The following CD96 variants were observed in gnomAD, a reference collection of about 807,000 sequenced individuals.
CD96 encodes CD96 molecule.
Under a neutral mutation model 71.3 loss-of-function variants are expected in CD96, and 70 were observed. The observed-to-expected ratio is 0.98, with a 90% CI of 0.81 to 1.20. The LOEUF (loss-of-function observed/expected upper bound fraction) is 1.20, where lower values mean the gene tolerates loss of function less well. CD96 is among the 50% of genes most tolerant of loss of function. The pLI is 0.00. For synonymous variants in CD96, 248 were observed against 233.0 expected, an observed-to-expected ratio of 1.06 and a Z score of -0.59; for missense variants, 742 against 677.5, an observed-to-expected ratio of 1.10 and a Z score of -1.06.
chr3:111,571,468 T>C (rs1308256388), intron 3 of CD96, among the ~76,000 whole-genome samples: 1 of 151,986 alleles, frequency 6.6e-6, no homozygotes, highest in East Asian at 1.9e-4. Context: ...GTTTATCAAG[T>C]AGCTTCCTTT....
At chr3:111,574,332 T>C (rs1164011760) in intron 3 of CD96, among the ~76,000 whole-genome samples, 1 of 152,180 alleles carries the variant, frequency 6.6e-6, no homozygotes, top group African/African-American at 2.4e-5. Flanking sequence ...AAAAGAAATG[T>C]TCAATGGATC....
chr3:111,595,397 G>C (rs1468797086), intron 5 of CD96: 1 of 152,144 alleles, frequency 6.6e-6, no homozygotes, highest in Non-Finnish European at 1.5e-5. Flanking sequence ...CCTACCCCCA[G>C]AAGGAGGGCA....
chr3:111,665,752 A>G (rs1940464729), downstream of CD96: 1 of 152,232 alleles, frequency 6.6e-6, no homozygotes, highest in Admixed American at 6.5e-5. Context: ...CTTTAGTAGA[A>G]ACTACGGAAA....
At chr3:111,544,125 G>T (rs1934256812) in intron 1 of CD96, among the ~76,000 whole-genome samples, 1 of 152,058 alleles carries the variant, frequency 6.6e-6, no homozygotes, top group Non-Finnish European at 1.5e-5. Flanking sequence ...TTTACTGGAG[G>T]TGTGACTTTT....
chr3:111,568,746 A>G (rs1935839813), intron 3 of CD96, among the ~76,000 whole-genome samples: 1 of 152,244 alleles, frequency 6.6e-6, no homozygotes, highest in African/African-American at 2.4e-5. Flanking sequence ...AAACAAAATC[A>G]ACATGAGGAT....
chr3:111,571,817 T>G (rs1015593341), intron 3 of CD96, among the ~76,000 whole-genome samples: 1 of 152,234 alleles, frequency 6.6e-6, no homozygotes, highest in East Asian at 1.9e-4. Flanking sequence ...ATTCAGCCAG[T>G]CTATTAAACC....
At chr3:111,593,573 G>T in intron 5 of CD96, 2 of 1,538,474 alleles carry the variant, frequency 1.3e-6, no homozygotes, top group Non-Finnish European at 1.8e-6. Context: ...ATGTACTGCT[G>T]CAGGCAGCTC....
intron 8 of CD96, among the ~76,000 whole-genome samples, chr3:111,622,917 G>T (rs73230126): frequency 0.094 from 14,310 of 152,192 alleles, 939 homozygotes; most frequent in Non-Finnish European, 0.14. Context: ...CATCTACTAA[G>T]AGCATAAGAC....
chr3:111,602,685 T>C (rs1055108263), intron 7 of CD96, among the ~76,000 whole-genome samples: 15 of 152,208 alleles, frequency 9.9e-5, no homozygotes, highest in African/African-American at 3.6e-4. Flanking sequence ...CTGTCTGTGA[T>C]GGTACTGCCG....
At chr3:111,593,280 C>T (rs116323178) in intron 5 of CD96, 1 of 350,456 alleles carries the variant, frequency 2.9e-6, no homozygotes, top group African/African-American at 2.1e-5. Context: ...CCTGAAACAA[C>T]TCACAGAGTT....
intron 2 of CD96, among the ~76,000 whole-genome samples, chr3:111,554,435 T>C (rs1438503185): frequency 6.6e-6 from 1 of 152,162 alleles, no homozygotes; most frequent in Admixed American, 6.5e-5. Flanking sequence ...AAAGAGTTAT[T>C]TTAAATCTTT....
At chr3:111,615,429 T>C (rs1164552202) in intron 8 of CD96, among the ~76,000 whole-genome samples, 1 of 152,214 alleles carries the variant, frequency 6.6e-6, no homozygotes, top group Non-Finnish European at 1.5e-5. Flanking sequence ...CAGAAGAGAC[T>C]AAGCAAACAA....
intron 14 of CD96, among the ~76,000 whole-genome samples, chr3:111,661,669 A>G (rs1940362073): frequency 6.6e-6 from 1 of 152,150 alleles, no homozygotes; most frequent in South Asian, 2.1e-4. Context: ...CTCCAAAATA[A>G]TCTCCTTTAT....
At chr3:111,554,152 A>C (rs557578654) in intron 2 of CD96, among the ~76,000 whole-genome samples, 27 of 152,040 alleles carry the variant, frequency 1.8e-4, no homozygotes, top group Non-Finnish European at 2.1e-4. Context: ...AAAAACACCT[A>C]AATTTACATT....
At chr3:111,614,783 G>A (rs1938147504) in intron 8 of CD96, among the ~76,000 whole-genome samples, 1 of 152,186 alleles carries the variant, frequency 6.6e-6, no homozygotes, top group Non-Finnish European at 1.5e-5. Context: ...TCCAGCCTGA[G>A]TAAGGCACCA....
rs1337469819 is a variant in CD96 at position 111,637,966 on chromosome 3, A to G, written c.1388-113A>G. On this transcript the variant is annotated intron_variant, in intron 11 of 13. Coordinates refer to ENST00000352690, the MANE Select transcript of CD96 (RefSeq NM_005816.5). Reference sequence around the variant, plus strand: ...ACTTTACACATAATATTTAAGGGATACTTAGACAATTTAAATTGAGTTCTT... The same window carrying G: ...ACTTTACACATAATATTTAAGGGATGCTTAGACAATTTAAATTGAGTTCTT... The G allele has an allele frequency of 5.2e-6, 4 of 764,576 alleles. No individual in the cohort carries two copies. The African/African-American group carries it at 6.9e-5, about 13-fold the overall frequency. The allele number at this position is 764,576 out of a possible 1,614,324, so 47.4% of individuals were successfully genotyped here.
chr3:111,600,501 C>A (rs943930007), intron 6 of CD96, among the ~76,000 whole-genome samples: 10 of 152,194 alleles, frequency 6.6e-5, no homozygotes, highest in African/African-American at 2.4e-4. Flanking sequence ...CACTATTAGT[C>A]AACATATTTT....
chr3:111,586,645 T>C (rs1036727681), intron 5 of CD96, among the ~76,000 whole-genome samples: 2 of 152,132 alleles, frequency 1.3e-5, no homozygotes, highest in African/African-American at 4.8e-5. Context: ...GCACATCATG[T>C]CTTACATGGA....
At position 111,600,715 on chromosome 3, in the gene CD96, C is replaced by G; in HGVS notation, c.899-11C>G. ...TGTTAGTGTTGAACCATGTTCGTAT[C>G]TGTCTGGCAGGAATATATATTACTA... On this transcript the variant is annotated splice_polypyrimidine_tract_variant and intron_variant, in intron 6 of 13. Transcript: ENST00000352690. 2 of 1,593,236 alleles carry G rather than the reference C, an allele frequency of 1.3e-6. No homozygotes were observed. The highest frequency in any genetic ancestry group is 1.7e-6 in the Non-Finnish European group (2 of 1,161,136).
Sources: allele counts gnomAD v4.1 joint callset (sites outside exome capture counted in the v4.1 genomes callset), GRCh38; gene constraint gnomAD v4.1.1; transcripts MANE v1.5; gene names NCBI Gene and HGNC (gene_info 2026-07-23, HGNC 2026-07-21).